Variants in RANBP2 observed in about 807,000 individuals in gnomAD.
RANBP2 encodes RAN binding protein 2.
RANBP2 carries 57 observed loss-of-function variants against 303.6 expected under a neutral mutation model. The ratio of observed to expected loss-of-function variants is 0.19; its 90% confidence interval spans 0.15 to 0.23. The LOEUF (loss-of-function observed/expected upper bound fraction) is 0.23. Among genes scored for constraint, RANBP2 ranks in the 10% least tolerant of loss-of-function variants. The pLI is 1.00. For missense variants in RANBP2, 3,138 were observed against 3,780.8 expected, an observed-to-expected ratio of 0.83 and a Z score of 4.46; for synonymous variants, 1,167 against 1,301.5, an observed-to-expected ratio of 0.90 and a Z score of 2.23.
chr2:108,759,373 G>A (rs115759079), intron 18 of RANBP2, among the ~76,000 whole-genome samples: 1,926 of 152,058 alleles, frequency 0.013, 50 homozygotes, highest in African/African-American at 0.044. Context: ...TTCACACTCC[G>A]GTGGTGTAAC....
chr2:109,407,358 T>C, the RANBP2 span, among the ~76,000 whole-genome samples: 4 of 152,198 alleles, frequency 2.6e-5, no homozygotes, highest in African/African-American at 7.2e-5. Context: ...GTCTGAGAAG[T>C]AAATGAGGAG....
At chr2:109,296,940 G>C in the RANBP2 span, among the ~76,000 whole-genome samples, 1 of 152,120 alleles carries the variant, frequency 6.6e-6, no homozygotes, top group Non-Finnish European at 1.5e-5. Context: ...GGATTAACTA[G>C]GCCTGGGGAC....
chr2:109,491,146 T>G, the RANBP2 span, among the ~76,000 whole-genome samples: 3 of 152,204 alleles, frequency 2.0e-5, no homozygotes, highest in East Asian at 5.8e-4. Flanking sequence ...ATGTTCTGCA[T>G]CCATCTGATT....
chr2:108,882,380 A>AT, the RANBP2 span: 1 of 152,236 alleles, frequency 6.6e-6, no homozygotes, highest in African/African-American at 2.4e-5. Context: ...GTGCAACAAA[A>AT]TTAGGTATGC....
chr2:109,019,320 G>A, the RANBP2 span, among the ~76,000 whole-genome samples: 1 of 152,248 alleles, frequency 6.6e-6, no homozygotes, highest in African/African-American at 2.4e-5. Context: ...CGGGTGTGGT[G>A]TGCTGAGCTC....
At chr2:109,242,123 C>T in the RANBP2 span, among the ~76,000 whole-genome samples, 1 of 152,026 alleles carries the variant, frequency 6.6e-6, no homozygotes, top group Admixed American at 6.6e-5. Context: ...CTCCTGTTTT[C>T]CCTGGTCATG....
At chr2:109,654,811 T>C in the RANBP2 span, among the ~76,000 whole-genome samples, 2 of 152,152 alleles carry the variant, frequency 1.3e-5, no homozygotes, top group Non-Finnish European at 2.9e-5. Flanking sequence ...CAGTTTGCAC[T>C]TGACGACTTA....
At chr2:109,670,165 C>T in the RANBP2 span, among the ~76,000 whole-genome samples, 1 of 152,144 alleles carries the variant, frequency 6.6e-6, no homozygotes, top group African/African-American at 2.4e-5. Context: ...TGGGAAGCCC[C>T]CTTAGCATCC....
chr2:108,786,703 C>T, downstream of RANBP2: 9 of 964,510 alleles, frequency 9.3e-6, no homozygotes, highest in South Asian at 1.0e-4. Context: ...CGCCCTTTCC[C>T]TGCCGCCGTG....
At chr2:108,893,613 A>AAAT in the RANBP2 span, among the ~76,000 whole-genome samples, 2 of 152,222 alleles carry the variant, frequency 1.3e-5, no homozygotes, top group African/African-American at 4.8e-5. Context: ...CAAAACTGAC[A>AAAT]AATAGAGTCA....
At chr2:109,170,725 T>G in the RANBP2 span, among the ~76,000 whole-genome samples, 4 of 152,296 alleles carry the variant, frequency 2.6e-5, no homozygotes, top group Middle Eastern at 3.4e-3. Context: ...AAATATTTGT[T>G]GGGCATTGAC....
chr2:109,118,880 G>A, the RANBP2 span, among the ~76,000 whole-genome samples: 5 of 152,170 alleles, frequency 3.3e-5, no homozygotes, highest in African/African-American at 1.2e-4. Flanking sequence ...CATTTGAGGG[G>A]GTGAGGCTGG....
the RANBP2 span, among the ~76,000 whole-genome samples, chr2:109,152,374 T>C: frequency 2.6e-5 from 4 of 152,228 alleles, no homozygotes; most frequent in East Asian, 3.9e-4. Context: ...CTTATATTGC[T>C]TTTGTTAGCT....
the RANBP2 span, among the ~76,000 whole-genome samples, chr2:108,878,883 C>G: frequency 1.3e-5 from 2 of 151,798 alleles, no homozygotes; most frequent in Non-Finnish European, 2.9e-5. Context: ...TGGAAAATAT[C>G]AAGGAAACTA....
chr2:109,141,501 C>T, the RANBP2 span: 2 of 155,018 alleles, frequency 1.3e-5, no homozygotes, highest in Non-Finnish European at 2.9e-5. Context: ...CAGGCCCAGC[C>T]CAGAGCTGAG....
At chr2:109,417,273 C>A in the RANBP2 span, among the ~76,000 whole-genome samples, 8 of 152,158 alleles carry the variant, frequency 5.3e-5, no homozygotes, top group Non-Finnish European at 1.2e-4. Flanking sequence ...TACTTGCCCT[C>A]CAGCCCCCAC....
chr2:109,217,128 A>AT, the RANBP2 span, among the ~76,000 whole-genome samples: 1 of 152,122 alleles, frequency 6.6e-6, no homozygotes, highest in Admixed American at 6.5e-5. Context: ...TTAAGGCTAA[A>AT]TCCTATTCCA....
chr2:109,345,081 C>T, the RANBP2 span, among the ~76,000 whole-genome samples: 1 of 152,170 alleles, frequency 6.6e-6, no homozygotes, highest in Non-Finnish European at 1.5e-5. Flanking sequence ...CCCCGTGACT[C>T]AGGAGTGTGT....
At chr2:109,094,064 G>A in the RANBP2 span, among the ~76,000 whole-genome samples, 1 of 152,200 alleles carries the variant, frequency 6.6e-6, no homozygotes, top group Non-Finnish European at 1.5e-5. Flanking sequence ...TAACTAGTTA[G>A]GAAATATACT....
Sources: allele counts gnomAD v4.1 joint callset (sites outside exome capture counted in the v4.1 genomes callset), GRCh38; gene constraint gnomAD v4.1.1; transcripts MANE v1.5; gene names NCBI Gene and HGNC (gene_info 2026-07-23, HGNC 2026-07-21).